Variants in ERC2 observed in about 807,000 individuals in gnomAD.
ERC2 encodes ELKS/RAB6-interacting/CAST family member 2, also known as ERC protein 2.
ERC2 carries 42 observed loss-of-function variants against 114.8 expected under a neutral mutation model. The ratio of observed to expected loss-of-function variants is 0.37; its 90% CI spans 0.29 to 0.47. The LOEUF (loss-of-function observed/expected upper bound fraction) is 0.47, where lower values mean the gene tolerates loss of function less well. Ranked by LOEUF, ERC2 falls within the 20% of genes least tolerant of loss-of-function variation. The pLI is 0.99. For missense variants in ERC2, 939 were observed against 1,150.7 expected, an observed-to-expected ratio of 0.82 and a Z score of 2.66; for synonymous variants, 454 against 425.5, an observed-to-expected ratio of 1.07 and a Z score of -0.82.
intron 14 of ERC2, among the ~76,000 whole-genome samples, chr3:55,858,500 C>A (rs562286940): frequency 6.6e-6 from 1 of 152,160 alleles, no homozygotes. Context: ...GGCTCTGATG[C>A]CTATCACAAA....
At chr3:55,525,703 G>T (rs2053267190) in intron 17 of ERC2, among the ~76,000 whole-genome samples, 1 of 151,528 alleles carries the variant, frequency 6.6e-6, no homozygotes. Flanking sequence ...GCAAGGCCAG[G>T]CCACGTGGGA....
intron 4 of ERC2, among the ~76,000 whole-genome samples, chr3:56,161,051 T>G (rs1353651720): frequency 6.6e-6 from 1 of 152,198 alleles, no homozygotes; most frequent in Admixed American, 6.5e-5. Context: ...AATGGATCCT[T>G]CATGAATGGT....
intron 17 of ERC2, chr3:55,659,293 T>C (rs2061014607): frequency 2.0e-5 from 3 of 152,212 alleles, no homozygotes; most frequent in Non-Finnish European, 4.4e-5. Context: ...AAGCCCGTGT[T>C]GCCTCTGCTG....
intron 17 of ERC2, among the ~76,000 whole-genome samples, chr3:55,583,453 C>T (rs1377876760): frequency 2.6e-5 from 2 of 77,638 alleles, no homozygotes; most frequent in Admixed American, 1.2e-4. Context: ...CTCCCTCCCT[C>T]CTTCCCCTCT....
intron 13 of ERC2, among the ~76,000 whole-genome samples, chr3:55,927,607 T>C (rs151132581): frequency 1.8e-4 from 27 of 152,338 alleles, no homozygotes; most frequent in African/African-American, 2.9e-4. Flanking sequence ...AATAATTCTA[T>C]TCTATTCTTT....
intron 14 of ERC2, among the ~76,000 whole-genome samples, chr3:55,797,545 T>C (rs2149091284): frequency 6.6e-6 from 1 of 152,248 alleles, no homozygotes; most frequent in South Asian, 2.1e-4. Flanking sequence ...CAAATATAAA[T>C]TCCCCCAGAT....
chr3:55,515,420 T>A (rs2052422278), intron 17 of ERC2, among the ~76,000 whole-genome samples: 1 of 152,192 alleles, frequency 6.6e-6, no homozygotes, highest in Non-Finnish European at 1.5e-5. Context: ...CAGGCTGGAG[T>A]GCAGTGGCGC....
At chr3:56,391,136 C>G (rs2060113823) in intron 2 of ERC2, among the ~76,000 whole-genome samples, 1 of 152,194 alleles carries the variant, frequency 6.6e-6, no homozygotes, top group South Asian at 2.1e-4. Context: ...CAACTTCAGT[C>G]TCACTCATGG....
Position 56,308,617 on chromosome 3 carries a change from A to C in ERC2, c.658-12182T>G, listed in dbSNP as rs368871881. Among the ~76,000 whole-genome samples, 43 of 152,258 alleles carry C rather than the reference A, an allele frequency of 2.8e-4. 2 individuals carry two copies. The South Asian group carries it at 8.7e-3, about 31-fold the overall frequency. ...TGTGTCTTATCTCCAAACATGGAAA[A>C]TATGAGCTCCTGGCAGGTTTGAAAA... On this transcript the variant is annotated intron_variant, in intron 2 of 17. Transcript: ENST00000288221.
chr3:55,557,634 C>A (rs2055709827), intron 17 of ERC2, among the ~76,000 whole-genome samples: 1 of 152,256 alleles, frequency 6.6e-6, no homozygotes, highest in Non-Finnish European at 1.5e-5. Context: ...CCAGCATAAA[C>A]CCATGCCACA....
intron 15 of ERC2, among the ~76,000 whole-genome samples, chr3:55,729,794 C>T (rs574466237): frequency 2.9e-4 from 37 of 127,316 alleles, no homozygotes; most frequent in African/African-American, 8.1e-4. Flanking sequence ...GCTATGATCG[C>T]GCCACTGCAG....
At chr3:55,606,898 T>A (rs1249178120) in intron 17 of ERC2, 1 of 152,330 alleles carries the variant, frequency 6.6e-6, no homozygotes, top group Non-Finnish European at 1.5e-5. Flanking sequence ...TAGGCAAAGG[T>A]TGGACAGGTG....
intron 14 of ERC2, among the ~76,000 whole-genome samples, chr3:55,866,570 C>T (rs1180030153): frequency 6.6e-6 from 1 of 151,226 alleles, no homozygotes; most frequent in Non-Finnish European, 1.5e-5. Flanking sequence ...TATGCTGATG[C>T]TTTATTGTAG....
chr3:56,205,571 C>G (rs2048676265), intron 3 of ERC2, among the ~76,000 whole-genome samples: 1 of 152,186 alleles, frequency 6.6e-6, no homozygotes, highest in Non-Finnish European at 1.5e-5. Flanking sequence ...TATCCAAGGG[C>G]TGTGGTTCAG....
chr3:56,179,021 AC>A (rs1164759079), intron 3 of ERC2, among the ~76,000 whole-genome samples: 1 of 151,880 alleles, frequency 6.6e-6, no homozygotes, highest in Non-Finnish European at 1.5e-5. Flanking sequence ...CTTGGGCCAC[AC>A]ATAAAATACA....
chr3:56,035,541 T>C (rs2074737236), intron 7 of ERC2, among the ~76,000 whole-genome samples: 1 of 152,222 alleles, frequency 6.6e-6, no homozygotes, highest in African/African-American at 2.4e-5. Flanking sequence ...TTTTGAGAGA[T>C]GTTTAAGTCA....
At chr3:55,726,167 G>T (rs1262210088) in intron 15 of ERC2, among the ~76,000 whole-genome samples, 2 of 152,178 alleles carry the variant, frequency 1.3e-5, no homozygotes, top group Non-Finnish European at 2.9e-5. Context: ...ACCCAAAGTG[G>T]GTCTGCTGTA....
chr3:56,079,130 C>T (rs561810760), intron 7 of ERC2, among the ~76,000 whole-genome samples: 8 of 151,854 alleles, frequency 5.3e-5, no homozygotes, highest in Admixed American at 2.0e-4. Context: ...TAATTTTAAG[C>T]TTTCTAGTAA....
intron 2 of ERC2, among the ~76,000 whole-genome samples, chr3:56,341,104 G>C (rs1459291098): frequency 6.6e-6 from 1 of 152,082 alleles, no homozygotes; most frequent in African/African-American, 2.4e-5. Flanking sequence ...TTAAAGAACT[G>C]ACTGTTATTT....
Sources: allele counts gnomAD v4.1 joint callset (sites outside exome capture counted in the v4.1 genomes callset), GRCh38; gene constraint gnomAD v4.1.1; transcripts MANE v1.5; gene names NCBI Gene and HGNC (gene_info 2026-07-23, HGNC 2026-07-21).